LSAMP: variants seen among roughly 807,000 people sequenced by gnomAD.
The protein encoded by LSAMP is limbic system associated membrane protein, also known as limbic system-associated membrane protein.
Under a neutral mutation model 38.6 loss-of-function variants are expected in LSAMP, and 7 were observed. The observed-to-expected ratio is 0.18, with a 90% confidence interval of 0.10 to 0.34. LSAMP has a LOEUF of 0.34. LSAMP is among the 10% of genes least tolerant of loss of function. LSAMP has a pLI of 1.00. For synonymous variants in LSAMP, 154 were observed against 166.8 expected, an observed-to-expected ratio of 0.92 and a Z score of 0.59; for missense variants, 313 against 420.0, an observed-to-expected ratio of 0.75 and a Z score of 2.23.
chr3:116,102,232 T>C (rs1708363995), intron 1 of LSAMP, among the ~76,000 whole-genome samples: 1 of 152,194 alleles, frequency 6.6e-6, no homozygotes, highest in African/African-American at 2.4e-5. Flanking sequence ...GGAGGCACTG[T>C]AGTTATTCAG....
At chr3:115,823,311 T>A (rs1934305947) in intron 6 of LSAMP, among the ~76,000 whole-genome samples, 1 of 152,228 alleles carries the variant, frequency 6.6e-6, no homozygotes, top group Non-Finnish European at 1.5e-5. Flanking sequence ...GAGAGCACCC[T>A]GGCCCAGGTA....
intron 3 of LSAMP, among the ~76,000 whole-genome samples, chr3:115,896,831 CT>C (rs1236907836): frequency 2.0e-5 from 3 of 151,878 alleles, no homozygotes; most frequent in Non-Finnish European, 4.4e-5. Context: ...AAGAGGGCTT[CT>C]TTTTTTTATG....
chr3:116,042,259 C>T (rs1201263958), intron 2 of LSAMP, among the ~76,000 whole-genome samples: 1 of 152,104 alleles, frequency 6.6e-6, no homozygotes, highest in Admixed American at 6.5e-5. Flanking sequence ...CATAATTGTT[C>T]ATTTAATCCT....
intron 1 of LSAMP, among the ~76,000 whole-genome samples, chr3:116,432,766 A>G (rs777186846): frequency 6.6e-6 from 1 of 152,174 alleles, no homozygotes; most frequent in Non-Finnish European, 1.5e-5. Flanking sequence ...ACTAAAGGCT[A>G]AATTTTTTCA....
At chr3:116,135,689 G>T (rs1396796038) in intron 1 of LSAMP, among the ~76,000 whole-genome samples, 1 of 152,166 alleles carries the variant, frequency 6.6e-6, no homozygotes, top group Non-Finnish European at 1.5e-5. Flanking sequence ...CTGTCAAGTA[G>T]AGGAAAAACA....
chr3:116,212,212 T>C (rs990059802), intron 1 of LSAMP, among the ~76,000 whole-genome samples: 2 of 152,216 alleles, frequency 1.3e-5, no homozygotes, highest in Non-Finnish European at 2.9e-5. Context: ...GAGAGAATGC[T>C]TATGATCAGC....
At chr3:115,898,413 C>T (rs1936783129) in intron 3 of LSAMP, among the ~76,000 whole-genome samples, 2 of 152,068 alleles carry the variant, frequency 1.3e-5, no homozygotes, top group South Asian at 4.2e-4. Context: ...AAATACTGTT[C>T]TGGGGCCACC....
At chr3:116,078,639 T>C (rs1470946525) in intron 2 of LSAMP, among the ~76,000 whole-genome samples, 2 of 152,218 alleles carry the variant, frequency 1.3e-5, no homozygotes, top group African/African-American at 4.8e-5. Flanking sequence ...TCCTCTTTAC[T>C]TAATAAATAG....
intron 1 of LSAMP, among the ~76,000 whole-genome samples, chr3:116,278,812 T>C (rs1201348655): frequency 1.3e-5 from 2 of 152,032 alleles, no homozygotes; most frequent in Non-Finnish European, 1.5e-5. Flanking sequence ...ATTAAATAGA[T>C]TATAATGGAT....
chr3:116,096,377 C>T (rs560253639), intron 1 of LSAMP, among the ~76,000 whole-genome samples: 1 of 152,298 alleles, frequency 6.6e-6, no homozygotes, highest in South Asian at 2.1e-4. Flanking sequence ...TGGCTCAATC[C>T]AATCTTTGCT....
chr3:116,063,080 A>G (rs982220082), intron 2 of LSAMP, among the ~76,000 whole-genome samples: 1 of 152,116 alleles, frequency 6.6e-6, no homozygotes, highest in Admixed American at 6.5e-5. Flanking sequence ...CTCCTTATGT[A>G]CATACATATT....
At chr3:116,379,768 G>A (rs977161510) in intron 1 of LSAMP, among the ~76,000 whole-genome samples, 2 of 151,996 alleles carry the variant, frequency 1.3e-5, no homozygotes, top group Non-Finnish European at 2.9e-5. Context: ...CAAGAGAGTG[G>A]AAATTAGAAG....
intron 1 of LSAMP, among the ~76,000 whole-genome samples, chr3:116,233,306 G>A (rs1576449768): frequency 2.6e-5 from 4 of 151,242 alleles, no homozygotes; most frequent in African/African-American, 9.7e-5. Context: ...CCAGCTACTC[G>A]GGAGGCTGAG....
At chr3:116,396,240 C>A (rs1054042549) in intron 1 of LSAMP, among the ~76,000 whole-genome samples, 1 of 152,152 alleles carries the variant, frequency 6.6e-6, no homozygotes, top group Admixed American at 6.6e-5. Flanking sequence ...TTTTCTTATG[C>A]AATTCTATCC....
intron 1 of LSAMP, among the ~76,000 whole-genome samples, chr3:116,100,327 G>A (rs955231905): frequency 6.6e-6 from 1 of 152,022 alleles, no homozygotes; most frequent in East Asian, 1.9e-4. Context: ...TGATCTGCTT[G>A]CCTCAGCCTC....
chr3:115,886,267 C>A (rs752591590), intron 3 of LSAMP, among the ~76,000 whole-genome samples: 1 of 151,952 alleles, frequency 6.6e-6, no homozygotes, highest in Non-Finnish European at 1.5e-5. Context: ...CCCCTAAGCC[C>A]AGTCCAACTG....
chr3:116,111,698 C>G (rs1327119145), intron 1 of LSAMP, among the ~76,000 whole-genome samples: 1 of 150,830 alleles, frequency 6.6e-6, no homozygotes, highest in Non-Finnish European at 1.5e-5. Flanking sequence ...TTTGCAAGAC[C>G]ATGTTTCTTT....
intron 1 of LSAMP, among the ~76,000 whole-genome samples, chr3:116,114,678 C>T (rs1708704319): frequency 6.6e-6 from 1 of 152,136 alleles, no homozygotes; most frequent in Admixed American, 6.5e-5. Context: ...CAGTAGTATT[C>T]TTAACATTTA....
At chr3:116,373,662 C>A (rs574209165) in intron 1 of LSAMP, among the ~76,000 whole-genome samples, 1 of 151,890 alleles carries the variant, frequency 6.6e-6, no homozygotes, top group Non-Finnish European at 1.5e-5. Context: ...TCTGCCCAGA[C>A]CTACCAAAAT....
Sources: allele counts gnomAD v4.1 joint callset (sites outside exome capture counted in the v4.1 genomes callset), GRCh38; gene constraint gnomAD v4.1.1; transcripts MANE v1.5; gene names NCBI Gene and HGNC (gene_info 2026-07-23, HGNC 2026-07-21).